TDRD9: variants seen among roughly 807,000 people sequenced by gnomAD.
TDRD9 encodes the protein tudor domain containing 9, also known as ATP-dependent RNA helicase TDRD9.
TDRD9 carries 124 observed loss-of-function variants against 172.6 expected under a neutral mutation model. The observed-to-expected ratio is 0.72, with a 90% CI of 0.62 to 0.83. The LOEUF (loss-of-function observed/expected upper bound fraction) is 0.83. Among genes scored for constraint, TDRD9 ranks in the 40% least tolerant of loss-of-function variants. The pLI is 0.00. For missense variants in TDRD9, 1,479 were observed against 1,714.1 expected (o/e 0.86, Z 2.42); for synonymous variants, 619 against 617.1 (o/e 1.00, Z -0.05).
intron 11 of TDRD9, 40 bp from the exon 12 acceptor site, chr14:103,995,708 AAT>A (rs1566768327): frequency 6.5e-7 from 1 of 1,534,016 alleles, no homozygotes; most frequent in Non-Finnish European, 8.8e-7. Context: ...TGATGTTCGG[AAT>A]ATAGTAGGAA....
At chr14:104,041,448 A>C (rs1420343171) in intron 33 of TDRD9, among the ~76,000 whole-genome samples, 1 of 152,228 alleles carries the variant, frequency 6.6e-6, no homozygotes, top group Non-Finnish European at 1.5e-5. Flanking sequence ...CAAAGTGCAC[A>C]CCAGGAGAAA....
At chr14:104,036,266 C>T (rs144482669) in intron 32 of TDRD9, among the ~76,000 whole-genome samples, 51 of 152,048 alleles carry the variant, frequency 3.4e-4, no homozygotes, top group African/African-American at 1.1e-3. Flanking sequence ...ACAAAAATAC[C>T]GCCCTGTTTT....
chr14:104,008,319 A>G (rs545347887), intron 19 of TDRD9, 94 bp from the exon 20 acceptor site: 12 of 758,858 alleles, frequency 1.6e-5, no homozygotes, highest in South Asian at 3.3e-5. Flanking sequence ...TACATTCATC[A>G]TTAAATTTTT....
chr14:104,004,335 G>A lies in TDRD9; in HGVS notation c.1581G>A (p.Leu527=). ...SIPDHVVPEM[L]RCPLGSTILK... The stretch of plus-strand genomic sequence containing the variant: ...CTGATCATGTTGTTCCTGAGATGTT[G>A]GTAATTCACTTTGGTCATTGTCAAA... Residue 527 remains leucine, a splice_region_variant and synonymous_variant, in exon 14 of 36, where the codon TTG becomes TTA. Transcript: ENST00000409874. 6.5e-7 allele frequency: 1 copy of A among 1,528,298 alleles called. No individual in the cohort carries two copies. The highest frequency in any genetic ancestry group is 9.0e-7 in the Non-Finnish European group (1 of 1,107,264). 94.7% of individuals were successfully genotyped at this position (1,528,298 alleles called of 1,614,324 possible).
chr14:103,959,136 A>T (rs2032381572), intron 2 of TDRD9, among the ~76,000 whole-genome samples: 1 of 152,078 alleles, frequency 6.6e-6, no homozygotes, highest in Non-Finnish European at 1.5e-5. Context: ...TCCAGGTGAG[A>T]CTTGATGGTG....
intron 1 of TDRD9, 83 bp from the exon 2 acceptor site, chr14:103,955,581 A>T: frequency 1.1e-6 from 1 of 939,370 alleles, no homozygotes; most frequent in South Asian, 2.0e-5. Flanking sequence ...TTTTCCTGTG[A>T]CTTAATGTGA....
intron 14 of TDRD9, among the ~76,000 whole-genome samples, chr14:104,004,717 A>G (rs1407100995): frequency 2.0e-5 from 3 of 152,138 alleles, no homozygotes; most frequent in Non-Finnish European, 2.9e-5. Context: ...TCTAATTTTG[A>G]TTCCAGAAAA....
At chr14:104,036,921 C>T (rs1173543773) in intron 32 of TDRD9, among the ~76,000 whole-genome samples, 4 of 152,166 alleles carry the variant, frequency 2.6e-5, no homozygotes, top group Non-Finnish European at 5.9e-5. Context: ...GGTTGATTTT[C>T]CTCCAAACTC....
At position 104,023,874 on chromosome 14, in the gene TDRD9, CACTT is replaced by C. The variant is rs1488473468; in HGVS notation, c.2607-690_2607-687del. On this transcript the variant is annotated intron_variant, in intron 24 of 35. Coordinates refer to ENST00000409874, the MANE Select transcript of TDRD9 (RefSeq NM_153046.3). ...GTCCTGCTCTAGTGAGGTCAGACTC[CACTT>C]ACTTTTGTAATCGAATGCTGGGGAG... Among the ~76,000 whole-genome samples, 3 of 152,240 alleles carry C rather than the reference CACTT, an allele frequency of 2.0e-5. No individual in the cohort carries two copies. In the East Asian group the frequency reaches 5.8e-4, roughly 29 times the overall value.
intron 7 of TDRD9, among the ~76,000 whole-genome samples, chr14:103,976,963 C>T (rs1283789017): frequency 6.6e-6 from 1 of 151,992 alleles, no homozygotes; most frequent in Non-Finnish European, 1.5e-5. Flanking sequence ...CTCAAGCGGT[C>T]CTCCTGCCTC....
chr14:103,997,431 G>A lies in TDRD9; in HGVS notation c.1379-1193G>A, dbSNP rs1195540791. On this transcript the variant is annotated intron_variant, in intron 12 of 35. Coordinates refer to ENST00000409874, the MANE Select transcript of TDRD9 (RefSeq NM_153046.3). This position sits in a 1 kb window ranked among gnomAD's most constrained non-coding sequence, Gnocchi z 5.1. ...GGCCTGAGAGACTGGGAGGATGGAG[G>A]CTCCTGCGAGATGGTGAAGGCTGTG... Among the ~76,000 whole-genome samples, 2 of 152,216 alleles carry A rather than the reference G, an allele frequency of 1.3e-5. No homozygotes were observed. Among genetic ancestry groups the A allele is most frequent in the Admixed American group, 6.5e-5 (1 of 15,286 alleles).
rs74086769 is a variant in TDRD9, at chr14:103,935,491, G to A, written c.215+6767G>A. On this transcript the variant is annotated intron_variant, in intron 1 of 35. Coordinates refer to ENST00000409874, the MANE Select transcript of TDRD9 (RefSeq NM_153046.3). ...ACTGCACGAGGAATTAGTTTGTGGGGGGATACCAGGATTGATTTTGAACAT... is the reference window on the plus strand; with the variant it reads ...ACTGCACGAGGAATTAGTTTGTGGGAGGATACCAGGATTGATTTTGAACAT... 1.9e-3 allele frequency among the ~76,000 whole-genome samples: 286 copies of A among 152,288 alleles called. 1 individual carries two copies. The highest frequency in any genetic ancestry group is 6.7e-3 in the African/African-American group (279 of 41,548).
intron 29 of TDRD9, among the ~76,000 whole-genome samples, 158 bp from the exon 30 acceptor site, chr14:104,031,859 T>A (rs539338291): frequency 6.6e-6 from 1 of 152,368 alleles, no homozygotes; most frequent in African/African-American, 2.4e-5. Context: ...GAAAAATACC[T>A]TCTTTAAGGC....
chr14:103,968,574 T>C (rs1011417076), intron 5 of TDRD9, among the ~76,000 whole-genome samples: 16 of 132,216 alleles, frequency 1.2e-4, no homozygotes, highest in Non-Finnish European at 2.4e-4. Flanking sequence ...ATCACGAGGA[T>C]TTGTGAGATC....
intron 35 of TDRD9, among the ~76,000 whole-genome samples, chr14:104,051,102 T>G (rs2140945257): frequency 6.6e-6 from 1 of 152,304 alleles, no homozygotes. Context: ...TAGGTAGCTT[T>G]TCAATCCTTG....
rs2035964837 is a variant in TDRD9, at chr14:104,052,652, A to G, written c.*570A>G. ...CATAGCTTATCTGTGTTAAAACAAT[A>G]AAAGCATTAAATGAAGTTTCTGTTT... On this transcript the variant is annotated 3_prime_UTR_variant, in exon 36 of 36. Coordinates refer to ENST00000409874, the MANE Select transcript of TDRD9 (RefSeq NM_153046.3). 6.6e-6 allele frequency: 1 copy of G among 152,322 alleles called. No homozygotes were observed. The allele number at this position is 152,322 out of a possible 1,614,324, so 9.4% of individuals were successfully genotyped here. A position where few individuals can be genotyped will look rare whatever the true frequency, so the allele number is the denominator to read the frequency against.
At chr14:104,006,761 G>A (rs746091980) in intron 17 of TDRD9, 21 bp from the exon 18 acceptor site, 1 of 1,613,400 alleles carries the variant, frequency 6.2e-7, no homozygotes, top group Non-Finnish European at 8.5e-7. Flanking sequence ...GGTATTGAAT[G>A]ACACTGTTAT....
chr14:103,979,811 A>C (rs549413597), intron 7 of TDRD9, among the ~76,000 whole-genome samples: 48 of 151,864 alleles, frequency 3.2e-4, no homozygotes, highest in Non-Finnish European at 6.5e-4. Context: ...GTGAGGCTCT[A>C]TTCAAGGTAG....
intron 2 of TDRD9, among the ~76,000 whole-genome samples, chr14:103,957,566 A>G (rs1033345765): frequency 6.6e-6 from 1 of 152,252 alleles, no homozygotes; most frequent in Non-Finnish European, 1.5e-5. Context: ...AGAATCTCCT[A>G]TATGCCAGTG....
Sources: allele counts gnomAD v4.1 joint callset (sites outside exome capture counted in the v4.1 genomes callset), GRCh38; gene constraint gnomAD v4.1.1; non-coding constraint Gnocchi (gnomAD v3.1); transcripts MANE v1.5; gene names NCBI Gene and HGNC (gene_info 2026-07-23, HGNC 2026-07-21).